Variants in NFASC observed in about 807,000 individuals in gnomAD.
NFASC encodes the protein neurofascin homolog.
In NFASC, 43 loss-of-function variants were observed where a neutral mutation model predicts 147.5. The observed-to-expected ratio is 0.29, with a 90% CI of 0.23 to 0.38. The LOEUF (loss-of-function observed/expected upper bound fraction) is 0.38, where lower values mean the gene tolerates loss of function less well. NFASC is among the 10% of genes least tolerant of loss of function. The pLI, the probability that NFASC is intolerant of heterozygous loss-of-function variation, is 1.00. For synonymous variants in NFASC, 622 were observed against 665.5 expected, an observed-to-expected ratio of 0.93 and a Z score of 1.01; for missense variants, 1,320 against 1,689.0, an observed-to-expected ratio of 0.78 and a Z score of 3.83.
chr1:204,918,302 G>A lies in NFASC; in HGVS notation c.-199-2330G>A, dbSNP rs145550445. On this transcript the variant is annotated intron_variant, in intron 1 of 29. Coordinates refer to ENST00000339876, the MANE Select transcript of NFASC (RefSeq NM_001005388.3). ...AGCCCACAGGCCACATGCAGTCCAG[G>A]ATGGCTTTAAATGCAGCTCAACACA... Among the ~76,000 whole-genome samples, 565 of 152,252 alleles carry A rather than the reference G, an allele frequency of 3.7e-3. 5 individuals carry two copies. Among genetic ancestry groups the A allele is most frequent in the Admixed American group, 7.4e-3 (113 of 15,292 alleles).
chr1:205,004,083 T>C (rs1443025056), intron 27 of NFASC, among the ~76,000 whole-genome samples: 1 of 152,270 alleles, frequency 6.6e-6, no homozygotes, highest in African/African-American at 2.4e-5. Flanking sequence ...CTAGCTCAGA[T>C]GAGGTCCCAA....
chr1:205,011,213 C>CCCCAA (rs530040240), intron 28 of NFASC, among the ~76,000 whole-genome samples: 87 of 151,838 alleles, frequency 5.7e-4, no homozygotes, highest in African/African-American at 2.1e-3. Context: ...CAGGACCCCC[C>CCCCAA]CCAAAACTCA....
Position 204,926,396 on chromosome 1 carries a change from ATATATATATATTTTTTTTT to A in NFASC, c.-91+5658_-91+5676del, listed in dbSNP as rs1383788063. On this transcript the variant is annotated intron_variant, in intron 2 of 29. Coordinates refer to ENST00000339876, the MANE Select transcript of NFASC (RefSeq NM_001005388.3). ...TTTTTTCATGTATATATATATATAT[ATATATATATATTTTTTTTT>A]TTTTTTTTTTTTTTTTTTGAGAGAG... is the stretch of plus-strand genomic sequence containing the variant. 1.0e-3 allele frequency among the ~76,000 whole-genome samples: 37 copies of A among 35,560 alleles called. 1 individual carries two copies. Among genetic ancestry groups the A allele is most frequent in the African/African-American group, 1.6e-3 (20 of 12,260 alleles). The allele number at this position is 35,560 out of a possible 152,430, so 23.3% of individuals were successfully genotyped here. A position where few individuals can be genotyped will look rare whatever the true frequency, so the allele number is the denominator to read the frequency against.
chr1:204,943,409 T>C (rs2093494498), intron 2 of NFASC, among the ~76,000 whole-genome samples: 2 of 152,168 alleles, frequency 1.3e-5, no homozygotes. Context: ...TTTCTTGTGC[T>C]TGAGGATGAA....
In NFASC at chr1:204,987,558, C is replaced by T. The variant is rs1232020036; in HGVS notation, c.2593+18C>T. 2.5e-6 allele frequency: 4 copies of T among 1,613,778 alleles called. No homozygotes were observed. Among genetic ancestry groups the T allele is most frequent in the Non-Finnish European group, 3.4e-6 (4 of 1,179,892 alleles). On this transcript the variant is annotated intron_variant, in intron 22 of 29. Transcript: ENST00000339876. The surrounding 1 kb of genome is among the most constrained non-coding windows in gnomAD (Gnocchi z 4.4). ...TGTGGCCTGTACGTTCTGCCCTTCC[C>T]TTTCTCTTAGATAATCTGGGAACCA... is the stretch of plus-strand genomic sequence containing the variant.
intron 2 of NFASC, among the ~76,000 whole-genome samples, chr1:204,942,042 G>C (rs1002419007): frequency 6.6e-6 from 1 of 152,162 alleles, no homozygotes; most frequent in African/African-American, 2.4e-5. Context: ...CCCTCTCACA[G>C]TTTTGAGGAT....
At chr1:204,845,937 G>A (rs1676912448) in intron 1 of NFASC, among the ~76,000 whole-genome samples, 2 of 152,216 alleles carry the variant, frequency 1.3e-5, no homozygotes, top group South Asian at 2.1e-4. Context: ...ATGGCTCCAC[G>A]GGGGAAGGGG....
chr1:204,953,169 T>G (rs1005030280), intron 5 of NFASC, among the ~76,000 whole-genome samples: 2 of 152,244 alleles, frequency 1.3e-5, no homozygotes, highest in Non-Finnish European at 2.9e-5. Flanking sequence ...TGTGGGCATC[T>G]GAGGATGTGA....
intron 1 of NFASC, among the ~76,000 whole-genome samples, chr1:204,860,844 C>G (rs886346697): frequency 1.3e-5 from 2 of 152,080 alleles, no homozygotes. Flanking sequence ...TAATATATGG[C>G]CTTTTGTGGA....
At chr1:205,005,351 A>C (rs542711075) in intron 27 of NFASC, among the ~76,000 whole-genome samples, 83 of 152,256 alleles carry the variant, frequency 5.5e-4, no homozygotes, top group African/African-American at 1.9e-3. Flanking sequence ...GAGTCATGAG[A>C]GCTGTCTGCT....
At chr1:204,864,040 C>T (rs992781325) in intron 1 of NFASC, among the ~76,000 whole-genome samples, 1 of 152,172 alleles carries the variant, frequency 6.6e-6, no homozygotes, top group African/African-American at 2.4e-5. Context: ...CTACTCCTCC[C>T]AGCCTTTGGT....
chr1:204,855,253 C>G (rs1050344373), intron 1 of NFASC, among the ~76,000 whole-genome samples: 24 of 152,108 alleles, frequency 1.6e-4, no homozygotes, highest in Admixed American at 1.6e-3. Context: ...CAAGGTTTAC[C>G]CATGCAGAAA....
At position 204,920,746 on chromosome 1, in the gene NFASC, C is replaced by T. The variant is rs2149439432; in HGVS notation, c.-91+6C>T. ...GGCTGAATGAGGCAGAGAAGGTAAG[C>T]AGGACTTGGGCCTGGGGTATGTGTC... On this transcript the variant is annotated splice_donor_region_variant and intron_variant, in intron 2 of 29. Coordinates refer to ENST00000339876, the MANE Select transcript of NFASC (RefSeq NM_001005388.3). 2 of 1,263,352 alleles carry T rather than the reference C, an allele frequency of 1.6e-6. No homozygotes were observed. Among genetic ancestry groups the T allele is most frequent in the East Asian group, 1.1e-4 (2 of 17,894 alleles). 78.3% of individuals were successfully genotyped at this position (1,263,352 alleles called of 1,614,324 possible).
intron 1 of NFASC, among the ~76,000 whole-genome samples, chr1:204,831,003 C>T (rs544671588): frequency 3.4e-4 from 52 of 152,254 alleles, no homozygotes; most frequent in African/African-American, 1.2e-3. Flanking sequence ...GCCTCTCCAG[C>T]GTGAGAGGGG....
intron 3 of NFASC, among the ~76,000 whole-genome samples, chr1:204,947,500 G>A (rs138405846): frequency 3.0e-3 from 461 of 152,302 alleles, no homozygotes; most frequent in Middle Eastern, 0.02. Flanking sequence ...GAGGCTGGGC[G>A]CCGCAGGCCT....
intron 1 of NFASC, among the ~76,000 whole-genome samples, chr1:204,884,115 C>T (rs943501677): frequency 1.3e-5 from 2 of 152,128 alleles, no homozygotes; most frequent in Non-Finnish European, 2.9e-5. Flanking sequence ...AGTGATTCTC[C>T]TTGGACATGT....
intron 1 of NFASC, among the ~76,000 whole-genome samples, chr1:204,888,239 A>G (rs1259407445): frequency 6.6e-6 from 1 of 152,182 alleles, no homozygotes; most frequent in Non-Finnish European, 1.5e-5. Context: ...CTCCCACTGT[A>G]CTGCAGAACC....
intron 2 of NFASC, among the ~76,000 whole-genome samples, chr1:204,928,938 TG>T (rs1391479492): frequency 3.3e-5 from 5 of 152,208 alleles, no homozygotes; most frequent in Non-Finnish European, 5.9e-5. Context: ...TAGATCTTCA[TG>T]GTGGTCACCT....
At chr1:204,959,083 T>G (rs1369985253) in intron 8 of NFASC, among the ~76,000 whole-genome samples, 1 of 151,962 alleles carries the variant, frequency 6.6e-6, no homozygotes, top group Non-Finnish European at 1.5e-5. Flanking sequence ...CTTTCACCTT[T>G]TCATTTTCTT....
Sources: gnomAD v4.1 joint callset for allele counts (sites outside exome capture counted in the v4.1 genomes callset) on GRCh38, gnomAD v4.1.1 for gene constraint, Gnocchi (gnomAD v3.1) non-coding constraint, MANE v1.5 for transcripts, NCBI Gene and HGNC (gene_info 2026-07-23, HGNC 2026-07-21) for gene names.